Variants in RTN1 observed in about 807,000 individuals in gnomAD.
RTN1 encodes the protein reticulon 1, also known as reticulon-1.
A neutral mutation model predicts 65.5 loss-of-function variants in RTN1; 25 were observed. The ratio of observed to expected loss-of-function variants is 0.38; its 90% CI spans 0.28 to 0.53. The LOEUF is 0.53. Ranked by LOEUF, RTN1 falls within the 20% of genes least tolerant of loss-of-function variation. The pLI, the probability that RTN1 is intolerant of heterozygous loss-of-function variation, is 0.79. For missense variants in RTN1, 983 were observed against 1,025.4 expected, an observed-to-expected ratio of 0.96 and a Z score of 0.57; for synonymous variants, 471 against 447.6, an observed-to-expected ratio of 1.05 and a Z score of -0.66.
At chr14:59,611,855 T>C (rs1471638741) in intron 3 of RTN1, among the ~76,000 whole-genome samples, 8 of 152,174 alleles carry the variant, frequency 5.3e-5, no homozygotes, top group African/African-American at 1.9e-4. Flanking sequence ...TGTTTGTATA[T>C]GTGGAAGGGA....
intron 3 of RTN1, among the ~76,000 whole-genome samples, chr14:59,633,024 C>A (rs988345009): frequency 6.6e-6 from 1 of 152,140 alleles, no homozygotes; most frequent in African/African-American, 2.4e-5. Context: ...ATCACTTGAA[C>A]CCAGGGAGAT....
intron 1 of RTN1, among the ~76,000 whole-genome samples, chr14:59,754,196 C>A (rs1885587349): frequency 6.6e-6 from 1 of 152,056 alleles, no homozygotes; most frequent in Non-Finnish European, 1.5e-5. Context: ...CATTAAATCC[C>A]AATATGTGTT....
Position 59,750,281 on chromosome 14 carries a change from AAT to A in RTN1, c.242-3802_242-3801del, listed in dbSNP as rs369140870. Among the ~76,000 whole-genome samples the A allele has an allele frequency of 3.1e-3, 93 of 30,082 alleles. 1 individual carries two copies. The highest frequency in any genetic ancestry group is 3.5e-3 in the Non-Finnish European group (70 of 19,780). The allele number at this position is 30,082 out of a possible 152,430, so 19.7% of individuals were successfully genotyped here. Reference sequence around the variant, plus strand: ...AATATATATAATATCTATAATATATAATATATATAATATCTATAATATATAAT... The same window carrying A: ...AATATATATAATATCTATAATATATAATATATAATATCTATAATATATAAT... On this transcript the variant is annotated intron_variant, in intron 1 of 8. Coordinates refer to ENST00000267484, the MANE Select transcript of RTN1 (RefSeq NM_021136.3).
Position 59,603,075 on chromosome 14 carries a change from C to T in RTN1, c.2278G>A (p.Val760Ile), listed in dbSNP as rs752724559. 9 of 1,613,172 alleles carry T rather than the reference C, an allele frequency of 5.6e-6. No individual in the cohort carries two copies. In the South Asian group the frequency reaches 6.6e-5, roughly 12 times the overall value. ...LGLVRTHINAVVAKIQAKIPG... is the reference protein window; with the variant it reads ...LGLVRTHINAIVAKIQAKIPG... The stretch of plus-strand genomic sequence containing the variant: ...CACTATGTGACTTACTTTGCCACAA[C>T]AGCATTTATGTGAGTCCTCACAAGT... The change falls in exon 8 of 9, where the codon GTT (valine) becomes ATT (isoleucine). Residue 760 changes from valine to isoleucine, a missense_variant. Physicochemically the swap from Val to Ile is conservative, Grantham distance 29 (BLOSUM62 3). Around this residue, in one of 2 missense-constraint regions of RTN1, gnomAD observed 165 missense variants for 223.6 expected, o/e 0.74. Transcript: ENST00000267484.
intron 2 of RTN1, among the ~76,000 whole-genome samples, chr14:59,730,119 G>C (rs1458972376): frequency 6.6e-6 from 1 of 152,134 alleles, no homozygotes; most frequent in East Asian, 1.9e-4. Flanking sequence ...CAACCTTTGA[G>C]TGTGTCACTT....
chr14:59,694,247 T>A (rs1159947701), intron 3 of RTN1, among the ~76,000 whole-genome samples: 2 of 152,226 alleles, frequency 1.3e-5, no homozygotes, highest in Non-Finnish European at 2.9e-5. Flanking sequence ...CATGATAAAC[T>A]CTTAGTGAAA....
rs574182685 is a variant in RTN1 at position 59,671,596 on chromosome 14, C to T, written c.1765+55323G>A. ...CAACCTTAGGTAACTTGACTACCCT[C>T]ACAAAGCCCCTCAGTGGTAGAATCA... On this transcript the variant is annotated intron_variant, in intron 3 of 8. Coordinates refer to ENST00000267484, the MANE Select transcript of RTN1 (RefSeq NM_021136.3). 5.3e-5 allele frequency among the ~76,000 whole-genome samples: 8 copies of T among 152,344 alleles called. No homozygotes were observed. The East Asian group carries it at 1.5e-3, about 29-fold the overall frequency.
At chr14:59,782,767 A>C (rs1306727988) in intron 1 of RTN1, among the ~76,000 whole-genome samples, 1 of 152,194 alleles carries the variant, frequency 6.6e-6, no homozygotes. Context: ...GTACTTCACC[A>C]ACATTTTTTT....
At chr14:59,808,926 G>A (rs878930034) in intron 1 of RTN1, among the ~76,000 whole-genome samples, 1 of 152,056 alleles carries the variant, frequency 6.6e-6, no homozygotes, top group Non-Finnish European at 1.5e-5. Context: ...GCAGATACCA[G>A]CATCATGCTT....
intron 3 of RTN1, among the ~76,000 whole-genome samples, chr14:59,665,796 T>A (rs1047334919): frequency 6.6e-6 from 1 of 152,156 alleles, no homozygotes; most frequent in East Asian, 1.9e-4. Flanking sequence ...GCAATCCTAG[T>A]CTCTGATAAA....
In RTN1 at chr14:59,794,298, C is replaced by T. The variant is rs539475560; in HGVS notation, c.242-47817G>A. Among the ~76,000 whole-genome samples the T allele has an allele frequency of 2.3e-4, 35 of 152,096 alleles. No individual in the cohort carries two copies. The highest frequency in any genetic ancestry group is 4.4e-4 in the Non-Finnish European group (30 of 68,020). On this transcript the variant is annotated intron_variant, in intron 1 of 8. Coordinates refer to ENST00000267484, the MANE Select transcript of RTN1 (RefSeq NM_021136.3). This position sits in a 1 kb window ranked among gnomAD's most constrained non-coding sequence, Gnocchi z 5.1. ...GTGCCCTTGAGTGTTAACAGAAACA[C>T]GTCTAACCCAAGTATATTGTTAACT... is the stretch of plus-strand genomic sequence containing the variant.
At chr14:59,716,904 C>T (rs1456357207) in intron 3 of RTN1, among the ~76,000 whole-genome samples, 1 of 150,808 alleles carries the variant, frequency 6.6e-6, no homozygotes, top group Non-Finnish European at 1.5e-5. Context: ...GGAGGCGGAG[C>T]TTGAAGTGAG....
chr14:59,611,696 T>C (rs1881955022), intron 3 of RTN1, among the ~76,000 whole-genome samples: 1 of 151,986 alleles, frequency 6.6e-6, no homozygotes. Flanking sequence ...GTATGAAGAG[T>C]CTTGGTTTGG....
chr14:59,809,746 C>A (rs936618827), intron 1 of RTN1, among the ~76,000 whole-genome samples: 1 of 152,110 alleles, frequency 6.6e-6, no homozygotes, highest in African/African-American at 2.4e-5. Flanking sequence ...TGGGCCCACA[C>A]GTGCAAAGCA....
At chr14:59,657,768 G>A (rs901938794) in intron 3 of RTN1, among the ~76,000 whole-genome samples, 4 of 152,172 alleles carry the variant, frequency 2.6e-5, no homozygotes, top group African/African-American at 7.2e-5. Context: ...AGATTCCCTC[G>A]GGTACCTACA....
intron 1 of RTN1, among the ~76,000 whole-genome samples, chr14:59,763,978 G>A (rs570939186): frequency 6.6e-6 from 1 of 152,316 alleles, no homozygotes; most frequent in Non-Finnish European, 1.5e-5. Context: ...AGGAAAGTGA[G>A]ACTTGCACTG....
intron 3 of RTN1, among the ~76,000 whole-genome samples, chr14:59,615,356 G>A (rs1398402697): frequency 6.6e-6 from 1 of 152,104 alleles, no homozygotes; most frequent in Non-Finnish European, 1.5e-5. Context: ...GGCTGACGCA[G>A]GAGAATCACT....
At chr14:59,598,529 C>T (rs550863046) in intron 8 of RTN1, among the ~76,000 whole-genome samples, 1 of 152,208 alleles carries the variant, frequency 6.6e-6, no homozygotes, top group African/African-American at 2.4e-5. Flanking sequence ...CATGAGATAA[C>T]CTTTAGGGTC....
At position 59,826,806 on chromosome 14, in the gene RTN1, G is replaced by A. The variant is rs80065742; in HGVS notation, c.241+43584C>T. Among the ~76,000 whole-genome samples, 57 of 152,254 alleles carry A rather than the reference G, an allele frequency of 3.7e-4. No homozygotes were observed. In the East Asian group the frequency reaches 7.5e-3, roughly 20 times the overall value. On this transcript the variant is annotated intron_variant, in intron 1 of 8. Transcript: ENST00000267484. ...TATCATGGAAAAAAGACAGGGCCCT[G>A]CTTTCATGGTTATTACATTCTAGTG...
Sources: gnomAD v4.1 joint callset for allele counts (sites outside exome capture counted in the v4.1 genomes callset) on GRCh38, gnomAD v4.1.1 for gene constraint, gnomAD v4.1.1 regional missense constraint, Gnocchi (gnomAD v3.1) non-coding constraint, MANE v1.5 for transcripts, NCBI Gene and HGNC (gene_info 2026-07-23, HGNC 2026-07-21) for gene names.